The following SLC6A14 variants were observed in gnomAD, a reference collection of about 807,000 sequenced individuals.
The protein encoded by SLC6A14 is sodium- and chloride-dependent neutral and basic amino acid transporter B(0+).
A neutral mutation model predicts 51.4 loss-of-function variants in SLC6A14; 21 were observed. The ratio of observed to expected loss-of-function variants is 0.41; its 90% CI spans 0.29 to 0.59. SLC6A14 has a LOEUF of 0.59. Among genes scored for constraint, SLC6A14 ranks in the 20% least tolerant of loss-of-function variants. SLC6A14 has a pLI of 0.31. For synonymous variants in SLC6A14, 177 were observed against 160.7 expected, an observed-to-expected ratio of 1.10 and a Z score of -0.77; for missense variants, 371 against 472.8, an observed-to-expected ratio of 0.78 and a Z score of 2.00.
chrX:116,458,672 T>G, intron 13 of SLC6A14, 137 bp from the exon 14 acceptor site: 1 of 499,951 alleles, frequency 2.0e-6, no homozygotes, highest in Non-Finnish European at 3.0e-6. Context: ...AGATGAACAC[T>G]TTTTAGTTTT....
rs1489608359 is a variant in SLC6A14 at position 116,447,604 on chromosome X, T to C, written c.930+723T>C. On this transcript the variant is annotated intron_variant, in intron 7 of 13. Coordinates refer to ENST00000598581, the MANE Select transcript of SLC6A14 (RefSeq NM_007231.5). The stretch of plus-strand genomic sequence containing the variant: ...ATGCTTTCACTTCTTTTTTTTTTTT[T>C]CTTTTTTTTTTGAGACAGAGTCTCA... Among the ~76,000 whole-genome samples the C allele has an allele frequency of 5.9e-3, 529 of 89,706 alleles. 3 individuals carry two copies. Among genetic ancestry groups the C allele is most frequent in the African/African-American group, 0.016 (395 of 24,678 alleles). The allele number at this position is 89,706 out of a possible 115,157, so 77.9% of individuals were successfully genotyped here. A position where few individuals can be genotyped will look rare whatever the true frequency, so the allele number is the denominator to read the frequency against.
chrX:116,451,801 CTTATA>C, intron 8 of SLC6A14, 131 bp downstream of exon 8: 1 of 420,222 alleles, frequency 2.4e-6, no homozygotes, highest in Non-Finnish European at 4.0e-6. Context: ...CTCATTTCAT[CTTATA>C]TAATTTTGTT....
At chrX:116,447,746 C>T (rs1398645176) in intron 7 of SLC6A14, among the ~76,000 whole-genome samples, 1 of 110,736 alleles carries the variant, frequency 9.0e-6, no homozygotes, top group Non-Finnish European at 1.9e-5. Flanking sequence ...CAGGCATATG[C>T]CACTGCACCT....
chrX:116,441,610 T>A (rs1257313765), intron 3 of SLC6A14, among the ~76,000 whole-genome samples: 2 of 112,071 alleles, frequency 1.8e-5, no homozygotes, highest in Non-Finnish European at 3.8e-5. Context: ...AACTACCTCT[T>A]TTGACTGAAG....
At chrX:116,443,263 T>G (rs1257090148) in intron 4 of SLC6A14, among the ~76,000 whole-genome samples, 2 of 111,592 alleles carry the variant, frequency 1.8e-5, no homozygotes, top group African/African-American at 6.5e-5. Flanking sequence ...GAGGATAAAT[T>G]TATAAATATT....
chrX:116,447,716 C>G (rs1256317114), intron 7 of SLC6A14, among the ~76,000 whole-genome samples: 1 of 110,258 alleles, frequency 9.1e-6, no homozygotes, highest in African/African-American at 3.3e-5. Context: ...CTGATTCAGC[C>G]GCCCAAGTAG....
At chrX:116,453,827 T>C (rs1217433067) in intron 9 of SLC6A14, among the ~76,000 whole-genome samples, 5 of 111,587 alleles carry the variant, frequency 4.5e-5, no homozygotes, top group African/African-American at 1.6e-4. Context: ...TTACTCTGTT[T>C]ATAGGATAAA....
chrX:116,438,149 C>T (rs1556693446), intron 2 of SLC6A14, among the ~76,000 whole-genome samples, 194 bp downstream of exon 2: 1 of 111,285 alleles, frequency 9.0e-6, no homozygotes, highest in East Asian at 2.8e-4. Context: ...AGTTAGAAAC[C>T]TAGTTTCACA....
chrX:116,440,381 C>G (rs1927570941), intron 2 of SLC6A14, among the ~76,000 whole-genome samples: 2 of 112,109 alleles, frequency 1.8e-5, no homozygotes, highest in East Asian at 5.6e-4. Flanking sequence ...GAATAATAAA[C>G]TTAATTGCAA....
At chrX:116,444,116 G>T (rs947455798) in intron 5 of SLC6A14, among the ~76,000 whole-genome samples, 2 of 112,027 alleles carry the variant, frequency 1.8e-5, no homozygotes, top group African/African-American at 3.2e-5. Flanking sequence ...CAATGATCAA[G>T]TTGTAATGAT....
At chrX:116,436,800 T>A in intron 1 of SLC6A14, 43 bp downstream of exon 1, 1 of 1,116,411 alleles carries the variant, frequency 9.0e-7, no homozygotes, top group Non-Finnish European at 1.2e-6. Flanking sequence ...GACCTGAGAG[T>A]GGAAAACTTA....
chrX:116,442,994 A>G, intron 4 of SLC6A14, 146 bp downstream of exon 4: 1 of 402,942 alleles, frequency 2.5e-6, no homozygotes, highest in Non-Finnish European at 4.1e-6. Flanking sequence ...TATAATCAGA[A>G]AAATGATTAA....
chrX:116,445,417 C>T (rs1556693941), intron 6 of SLC6A14, among the ~76,000 whole-genome samples: 1 of 97,341 alleles, frequency 1.0e-5, no homozygotes, highest in African/African-American at 3.9e-5. Flanking sequence ...AAGTCTAGAT[C>T]CTTGTTCTAT....
intron 10 of SLC6A14, 32 bp from the exon 11 acceptor site, chrX:116,454,945 A>G (rs370008012): frequency 4.5e-5 from 44 of 987,987 alleles, no homozygotes; most frequent in Non-Finnish European, 3.8e-5. Context: ...CAATTAAAAT[A>G]TACTTAGAAG....
At chrX:116,458,161 C>T (rs1556694907) in intron 13 of SLC6A14, among the ~76,000 whole-genome samples, 1 of 111,401 alleles carries the variant, frequency 9.0e-6, no homozygotes, top group African/African-American at 3.3e-5. Flanking sequence ...GCTTTTAAAC[C>T]TCATCTGGCT....
chrX:116,447,229 A>G (rs1927733152), intron 7 of SLC6A14, among the ~76,000 whole-genome samples: 1 of 112,116 alleles, frequency 8.9e-6, no homozygotes, highest in African/African-American at 3.2e-5. Flanking sequence ...TATGTGATTT[A>G]TTGGATAAAC....
intron 8 of SLC6A14, among the ~76,000 whole-genome samples, chrX:116,452,605 G>A (rs1455648737): frequency 2.7e-5 from 3 of 111,799 alleles, no homozygotes; most frequent in Non-Finnish European, 3.8e-5. Context: ...AAGTTAGTTC[G>A]TAAATGTATC....
At chrX:116,450,577 T>C (rs782091644) in intron 7 of SLC6A14, among the ~76,000 whole-genome samples, 1 of 111,863 alleles carries the variant, frequency 8.9e-6, no homozygotes, top group Admixed American at 9.5e-5. Flanking sequence ...AGCAACATAC[T>C]GAATGATCTA....
chrX:116,436,924 A>T (rs2312054), intron 1 of SLC6A14, among the ~76,000 whole-genome samples, 167 bp downstream of exon 1: 22,021 of 111,030 alleles, frequency 0.2, 1,772 homozygotes, highest in Admixed American at 0.26. Flanking sequence ...AAGAAAGAAA[A>T]GCTCTTACTC....
Sources: gnomAD v4.1 joint callset for allele counts (sites outside exome capture counted in the v4.1 genomes callset) on GRCh38, gnomAD v4.1.1 for gene constraint, MANE v1.5 for transcripts, NCBI Gene and HGNC (gene_info 2026-07-23, HGNC 2026-07-21) for gene names.